Variants in MAPKAPK5 observed in about 807,000 individuals in gnomAD.
The protein encoded by MAPKAPK5 is MAPK activated protein kinase 5, also known as MAP kinase-activated protein kinase 5.
In MAPKAPK5, 30 loss-of-function variants were observed where a neutral mutation model predicts 65.1. That is an observed-to-expected ratio of 0.46 (90% CI 0.34 to 0.63). The LOEUF is 0.63. MAPKAPK5 is among the 20% of genes least tolerant of loss of function. The pLI is 0.01. For synonymous variants in MAPKAPK5, 179 were observed against 204.6 expected (o/e 0.87, Z 1.07); for missense variants, 433 against 581.4 (o/e 0.74, Z 2.63).
At chr12:111,871,425 G>A (rs2069780640) in intron 7 of MAPKAPK5, among the ~76,000 whole-genome samples, 1 of 152,192 alleles carries the variant, frequency 6.6e-6, no homozygotes, top group African/African-American at 2.4e-5. Context: ...TGGATTACAA[G>A]TTCAGGAGAT....
In MAPKAPK5 at chr12:111,892,316, G is replaced by A. The variant is rs145037214; in HGVS notation, c.1322-651G>A. Among the ~76,000 whole-genome samples, 519 of 152,278 alleles carry A rather than the reference G, an allele frequency of 3.4e-3. 2 individuals are homozygous for A. The highest frequency in any genetic ancestry group is 5.6e-3 in the Non-Finnish European group (378 of 68,012). Reference sequence around the variant, plus strand: ...ATCTTACGTGTATAGGATTAGAATTGCTGGTTCATGGAGGTCTTCATCTGT... The same window carrying A: ...ATCTTACGTGTATAGGATTAGAATTACTGGTTCATGGAGGTCTTCATCTGT... On this transcript the variant is annotated intron_variant, in intron 13 of 13. Coordinates refer to ENST00000550735, the MANE Select transcript of MAPKAPK5 (RefSeq NM_003668.4).
At chr12:111,870,526 T>A (rs1223175679) in intron 6 of MAPKAPK5, among the ~76,000 whole-genome samples, 166 bp downstream of exon 6, 2 of 152,222 alleles carry the variant, frequency 1.3e-5, no homozygotes, top group Non-Finnish European at 2.9e-5. Flanking sequence ...AGAGAAGCTG[T>A]ACTACTGTAC....
intron 1 of MAPKAPK5, among the ~76,000 whole-genome samples, chr12:111,844,068 C>T (rs1325900945): frequency 7.2e-5 from 11 of 152,172 alleles, no homozygotes; most frequent in East Asian, 1.9e-4. Flanking sequence ...GTGATCTGCC[C>T]GCCTTGGCCT....
Position 111,892,972 on chromosome 12 carries a change from G to A in MAPKAPK5, c.1327G>A (p.Gly443Arg). Residue 443 changes from glycine to arginine, a missense_variant, in exon 14 of 14, where the codon GGA becomes AGA. This residue lies in a region of MAPKAPK5 where 169 missense variants were observed against 215.6 expected (regional missense o/e 0.78). Transcript: ENST00000550735. Reference sequence around the variant, plus strand: ...TGTTCTTTTTTTGCTTTCAGGTCGTGGATTCACAGATAAAGTAGATCGACT... The same window carrying A: ...TGTTCTTTTTTTGCTTTCAGGTCGTAGATTCACAGATAAAGTAGATCGACT... ...TLQSFSWNGRGFTDKVDRLKL... is the reference protein window; with the variant it reads ...TLQSFSWNGRRFTDKVDRLKL... The A allele has an allele frequency of 8.9e-6, 14 of 1,569,796 alleles. No individual in the cohort carries two copies. Among genetic ancestry groups the A allele is most frequent in the Non-Finnish European group, 1.1e-5 (13 of 1,156,950 alleles).
Position 111,900,364 on chromosome 12 carries a change from AG to A in MAPKAPK5, c.*7304del, listed in dbSNP as rs760903900. ...TTGTTTGCAGCCCTGATGGCCCATGAGCTCGGGCACAACCTGGGTATTCAGC... is the reference window on the plus strand; with the variant it reads ...TTGTTTGCAGCCCTGATGGCCCATGACTCGGGCACAACCTGGGTATTCAGC... On this transcript the variant is annotated 3_prime_UTR_variant, in exon 14 of 14. Coordinates refer to ENST00000550735, the MANE Select transcript of MAPKAPK5 (RefSeq NM_003668.4). The A allele has an allele frequency of 1.3e-5, 6 of 455,916 alleles. No individual in the cohort carries two copies. Among genetic ancestry groups the A allele is most frequent in the South Asian group, 9.3e-5 (6 of 64,558 alleles). 28.2% of individuals were successfully genotyped at this position (455,916 alleles called of 1,614,324 possible).
At chr12:111,886,353 A>G (rs1209292774) in intron 10 of MAPKAPK5, among the ~76,000 whole-genome samples, 2 of 152,242 alleles carry the variant, frequency 1.3e-5, no homozygotes, top group Non-Finnish European at 2.9e-5. Context: ...CTGGCTGGGA[A>G]GGCAAGGCCA....
In MAPKAPK5 at chr12:111,858,079, A is replaced by AT. The variant is rs778992545; in HGVS notation, c.37-7165dup. On this transcript the variant is annotated intron_variant, in intron 1 of 13. Coordinates refer to ENST00000550735, the MANE Select transcript of MAPKAPK5 (RefSeq NM_003668.4). ...ACCACTACACCAGGCTAAATTTTGTATTTTTTGTAGAGACGGAGTTTTGCC... is the reference window on the plus strand; with the variant it reads ...ACCACTACACCAGGCTAAATTTTGTATTTTTTTGTAGAGACGGAGTTTTGCC... Among the ~76,000 whole-genome samples, 3 of 151,994 alleles carry AT rather than the reference A, an allele frequency of 2.0e-5. No individual in the cohort carries two copies. The South Asian group carries it at 6.3e-4, about 32-fold the overall frequency.
rs1198816659 is a variant in MAPKAPK5 at position 111,888,521 on chromosome 12, G to T, written c.1003G>T (p.Glu335Ter). 6.2e-7 allele frequency: 1 copy of T among 1,613,854 alleles called. No individual in the cohort carries two copies. The highest frequency in any genetic ancestry group is 1.3e-5 in the African/African-American group (1 of 74,920). Reference protein sequence around the residue: ...VVAGIQQAHAEQLANMRIQDL... With the variant: ...VVAGIQQAHA ...TGCAGGAATCCAGCAGGCTCACGCGGAACAGTTGGCCAACATGAGAATCCA... is the reference window on the plus strand; with the variant it reads ...TGCAGGAATCCAGCAGGCTCACGCGTAACAGTTGGCCAACATGAGAATCCA... The change falls in exon 11 of 14, where the codon GAA becomes TAA. Residue 335 changes from glutamate to a stop codon, truncating the protein, a stop_gained. Transcript: ENST00000550735. LOFTEE classifies it high-confidence loss of function.
intron 9 of MAPKAPK5, 94 bp from the exon 10 acceptor site, chr12:111,885,822 A>G (rs2070382503): frequency 6.6e-7 from 1 of 1,521,880 alleles, no homozygotes; most frequent in South Asian, 1.2e-5. Context: ...AGAAGTCAGA[A>G]GTAACCAGAA....
chr12:111,883,775 T>G lies in MAPKAPK5; in HGVS notation c.848+7T>G. 1 of 1,610,680 alleles carries G rather than the reference T, an allele frequency of 6.2e-7. No individual in the cohort carries two copies. Among genetic ancestry groups the G allele is most frequent in the South Asian group, 1.1e-5 (1 of 90,888 alleles). On this transcript the variant is annotated splice_region_variant and intron_variant, in intron 9 of 13. Transcript: ENST00000550735. The surrounding 1 kb of genome is among the most constrained non-coding windows in gnomAD (Gnocchi z 4.8). ...CCAAAGATGTTGTGAGGAAGTGAGT[T>G]CACGGGCTGCTGGGCATGGAGGCCA...
rs1849646711 is a variant in MAPKAPK5 at position 111,882,964 on chromosome 12, A to G, written c.661-617A>G. On this transcript the variant is annotated intron_variant, in intron 8 of 13. Coordinates refer to ENST00000550735, the MANE Select transcript of MAPKAPK5 (RefSeq NM_003668.4). The stretch of plus-strand genomic sequence containing the variant: ...GGCAAAGCATCCTATACCTGTACAC[A>G]GGGATCAGATAGGTGCTTGGGCCTA... 7 of 425,844 alleles carry G rather than the reference A, an allele frequency of 1.6e-5. No individual in the cohort carries two copies. In the South Asian group the frequency reaches 5.0e-4, roughly 30 times the overall value. The allele number at this position is 425,844 out of a possible 1,614,324, so 26.4% of individuals were successfully genotyped here. A position where few individuals can be genotyped will look rare whatever the true frequency, so the allele number is the denominator to read the frequency against.
intron 5 of MAPKAPK5, 91 bp from the exon 6 acceptor site, chr12:111,870,180 C>A (rs1398049754): frequency 1.3e-6 from 1 of 759,796 alleles, no homozygotes; most frequent in South Asian, 2.3e-5. Flanking sequence ...TTAATGAAGG[C>A]TTGTTTTTTG....
chr12:111,880,394 T>C, intron 7 of MAPKAPK5, 53 bp from the exon 8 acceptor site: 1 of 1,421,374 alleles, frequency 7.0e-7, no homozygotes, highest in Non-Finnish European at 1.0e-6. Context: ...CAAGGCAGGT[T>C]ATCGGTGGTG....
At chr12:111,892,906 T>G (rs1200729448) in intron 13 of MAPKAPK5, 61 bp from the exon 14 acceptor site, 1 of 1,263,932 alleles carries the variant, frequency 7.9e-7, no homozygotes, top group African/African-American at 1.5e-5. Flanking sequence ...TGGGTCTCTG[T>G]CAAGAGTCTG....
At position 111,899,935 on chromosome 12, in the gene MAPKAPK5, CCTA is replaced by C. The variant is rs1375738209; in HGVS notation, c.*6877_*6879del. ...AAGCCTCATGATCTACAGGCACTGT[CCTA>C]CTTGTGGTCACACAAAAAGTACGTG... is the stretch of plus-strand genomic sequence containing the variant. On this transcript the variant is annotated 3_prime_UTR_variant, in exon 14 of 14. Coordinates refer to ENST00000550735, the MANE Select transcript of MAPKAPK5 (RefSeq NM_003668.4). 4.4e-6 allele frequency: 2 copies of C among 456,094 alleles called. No homozygotes were observed. The highest frequency in any genetic ancestry group is 8.8e-6 in the Non-Finnish European group (2 of 226,802). 28.3% of individuals were successfully genotyped at this position (456,094 alleles called of 1,614,324 possible).
At chr12:111,859,008 G>A (rs1263847084) in intron 1 of MAPKAPK5, among the ~76,000 whole-genome samples, 1 of 146,686 alleles carries the variant, frequency 6.8e-6, no homozygotes. Context: ...GTTTAAAATA[G>A]TTGCTTTTAA....
intron 12 of MAPKAPK5, 169 bp downstream of exon 12, chr12:111,889,169 A>G: frequency 1.6e-6 from 1 of 628,992 alleles, no homozygotes; most frequent in East Asian, 3.0e-5. Context: ...ATGCCCACTA[A>G]AAAGATTGGA....
intron 1 of MAPKAPK5, among the ~76,000 whole-genome samples, chr12:111,846,140 A>T (rs2068901238): frequency 6.6e-6 from 1 of 152,330 alleles, no homozygotes; most frequent in East Asian, 1.9e-4. Flanking sequence ...TGGACTTGAA[A>T]ATCAGTACTG....
intron 1 of MAPKAPK5, among the ~76,000 whole-genome samples, chr12:111,853,035 A>G (rs2069132305): frequency 6.6e-6 from 1 of 152,100 alleles, no homozygotes; most frequent in Non-Finnish European, 1.5e-5. Context: ...TGGCCTCCCA[A>G]AGTGTTGGGA....
Sources: gnomAD v4.1 joint callset for allele counts (sites outside exome capture counted in the v4.1 genomes callset) on GRCh38, gnomAD v4.1.1 for gene constraint, gnomAD v4.1.1 regional missense constraint, Gnocchi (gnomAD v3.1) non-coding constraint, MANE v1.5 for transcripts, NCBI Gene and HGNC (gene_info 2026-07-23, HGNC 2026-07-21) for gene names.